The following RAPGEF1 variants were observed in gnomAD, a reference collection of about 807,000 sequenced individuals.
The protein encoded by RAPGEF1 is CRK SH3-binding GNRP.
RAPGEF1 carries 33 observed loss-of-function variants against 143.3 expected under a neutral mutation model. The ratio of observed to expected loss-of-function variants is 0.23; its 90% confidence interval spans 0.17 to 0.31. The LOEUF (loss-of-function observed/expected upper bound fraction) is 0.31. Ranked by LOEUF, RAPGEF1 falls within the 10% of genes least tolerant of loss-of-function variation. RAPGEF1 has a pLI of 1.00. For synonymous variants in RAPGEF1, 629 were observed against 676.5 expected (o/e 0.93, Z 1.09); for missense variants, 1,199 against 1,645.4 (o/e 0.73, Z 4.69).
chr9:131,666,985 G>A (rs1564659645), intron 1 of RAPGEF1, among the ~76,000 whole-genome samples: 1 of 151,996 alleles, frequency 6.6e-6, no homozygotes, highest in South Asian at 2.1e-4. Flanking sequence ...CTTCCTGCTC[G>A]CCTTCAAAGC....
rs769948362 is a variant in RAPGEF1 at position 131,675,224 on chromosome 9, C to A, written c.62-24275G>T. 2.6e-5 allele frequency among the ~76,000 whole-genome samples: 4 copies of A among 152,062 alleles called. No individual in the cohort carries two copies. Among genetic ancestry groups the A allele is most frequent in the Non-Finnish European group, 4.4e-5 (3 of 68,018 alleles). ...TTTCTCGTGGGGATGAGGCACGGAC[C>A]GAGGGGAAAATGCTCCCAGCAGAGG... On this transcript the variant is annotated intron_variant, in intron 1 of 26. Transcript: ENST00000683357. This position sits in a 1 kb window ranked among gnomAD's most constrained non-coding sequence, Gnocchi z 4.6.
In RAPGEF1 at chr9:131,605,083, G is replaced by A; in HGVS notation, c.2167C>T (p.Pro723Ser). Residue 723 changes from proline to serine, a missense_variant, in exon 13 of 27, where the codon CCT becomes TCT. Coordinates refer to ENST00000683357, the MANE Select transcript of RAPGEF1 (RefSeq NM_001377935.1). ...TCAGAGCTCTGAGACTGGTGGGCAG[G>A]TGGGAAATGTGGAGAGGAAGAGGAG... ...PTSSSSPHFP[P>S]AHQSQSSDLA... 2 of 1,365,456 alleles carry A rather than the reference G, an allele frequency of 1.5e-6. No homozygotes were observed. The allele number at this position is 1,365,456 out of a possible 1,614,324, so 84.6% of individuals were successfully genotyped here.
At chr9:131,703,384 T>C (rs542708137) in intron 1 of RAPGEF1, among the ~76,000 whole-genome samples, 54 of 152,340 alleles carry the variant, frequency 3.5e-4, no homozygotes, top group African/African-American at 1.3e-3. Context: ...TCTTTAATAA[T>C]GTAACATCAT....
At position 131,737,727 on chromosome 9, in the gene RAPGEF1, G is replaced by C. The variant is rs190000783; in HGVS notation, c.61+2043C>G. The stretch of plus-strand genomic sequence containing the variant: ...CGCATGTAATCCCAACACTTTGGGA[G>C]GCCGAGGTGGGCGGATCACGAGGTC... On this transcript the variant is annotated intron_variant, in intron 1 of 26. Transcript: ENST00000683357. Among the ~76,000 whole-genome samples the C allele has an allele frequency of 3.3e-3, 501 of 152,250 alleles. 1 individual carries two copies. Among genetic ancestry groups the C allele is most frequent in the Non-Finnish European group, 5.2e-3 (352 of 68,016 alleles).
At chr9:131,712,531 C>T (rs1229636797) in intron 1 of RAPGEF1, among the ~76,000 whole-genome samples, 1 of 152,190 alleles carries the variant, frequency 6.6e-6, no homozygotes, top group Non-Finnish European at 1.5e-5. Context: ...GGAATTTCTT[C>T]CCTATCAGGA....
In RAPGEF1 at chr9:131,628,964, G is replaced by A. The variant is rs1467656691; in HGVS notation, c.893+138C>T. On this transcript the variant is annotated intron_variant, in intron 7 of 26. Transcript: ENST00000683357. The surrounding 1 kb of genome is among the most constrained non-coding windows in gnomAD (Gnocchi z 5.7). ...CAGGGTGGCCAGCGAGGGCCGGCGG[G>A]GTGGGGACAGCTCCAGAGTCAGCCT... is the stretch of plus-strand genomic sequence containing the variant. 1 of 1,199,646 alleles carries A rather than the reference G, an allele frequency of 8.3e-7. No homozygotes were observed. The highest frequency in any genetic ancestry group is 2.6e-5 in the East Asian group (1 of 39,074). 74.3% of individuals were successfully genotyped at this position (1,199,646 alleles called of 1,614,324 possible).
chr9:131,591,756 C>G (rs1485651111), intron 18 of RAPGEF1, among the ~76,000 whole-genome samples: 2 of 152,226 alleles, frequency 1.3e-5, no homozygotes, highest in Non-Finnish European at 2.9e-5. Context: ...TCTGCAGGAC[C>G]GGCACACTTA....
chr9:131,596,232 G>A lies in RAPGEF1; in HGVS notation c.2689+66C>T, dbSNP rs573737529. On this transcript the variant is annotated intron_variant, in intron 17 of 26. Transcript: ENST00000683357. ...GGCTGCCAGGAGGGGACAGGATAGCGGTGGGAGGCCGAGTGGCACCCGGGG... is the reference window on the plus strand; with the variant it reads ...GGCTGCCAGGAGGGGACAGGATAGCAGTGGGAGGCCGAGTGGCACCCGGGG... 2.2e-4 allele frequency: 326 copies of A among 1,456,380 alleles called. No individual in the cohort carries two copies. In the African/African-American group the frequency reaches 3.9e-3, roughly 17 times the overall value. The allele number at this position is 1,456,380 out of a possible 1,614,324, so 90.2% of individuals were successfully genotyped here.
intron 1 of RAPGEF1, among the ~76,000 whole-genome samples, chr9:131,674,090 G>C (rs989643383): frequency 6.6e-6 from 1 of 152,146 alleles, no homozygotes; most frequent in Non-Finnish European, 1.5e-5. Flanking sequence ...AAGCATTTTT[G>C]GTTCTAACTT....
At chr9:131,739,729 C>A in intron 1 of RAPGEF1, 41 bp downstream of exon 1, 1 of 1,088,534 alleles carries the variant, frequency 9.2e-7, no homozygotes, top group Non-Finnish European at 1.1e-6. Flanking sequence ...GCCCCAGGGC[C>A]GGGCCCGGCC....
chr9:131,697,037 A>C (rs1203339730), intron 1 of RAPGEF1, among the ~76,000 whole-genome samples: 1 of 152,258 alleles, frequency 6.6e-6, no homozygotes, highest in East Asian at 1.9e-4. Context: ...CCTGGATTAC[A>C]CTGATACATA....
At chr9:131,726,041 G>C (rs1836645309) in intron 1 of RAPGEF1, among the ~76,000 whole-genome samples, 1 of 152,060 alleles carries the variant, frequency 6.6e-6, no homozygotes, top group Non-Finnish European at 1.5e-5. Context: ...TTACAGGTGT[G>C]AGCCACTGCA....
At chr9:131,724,714 CAACT>C (rs1836525416) in intron 1 of RAPGEF1, among the ~76,000 whole-genome samples, 1 of 152,212 alleles carries the variant, frequency 6.6e-6, no homozygotes, top group South Asian at 2.1e-4. Flanking sequence ...AAGCCTACAG[CAACT>C]CTGATGGATG....
rs1830585242 is a variant in RAPGEF1 at position 131,667,242 on chromosome 9, G to A, written c.62-16293C>T. Among the ~76,000 whole-genome samples the A allele has an allele frequency of 6.6e-6, 1 of 152,022 alleles. No homozygotes were observed. The highest frequency in any genetic ancestry group is 2.1e-4 in the South Asian group (1 of 4,824). On this transcript the variant is annotated intron_variant, in intron 1 of 26. Transcript: ENST00000683357. This position sits in a 1 kb window ranked among gnomAD's most constrained non-coding sequence, Gnocchi z 4.6. ...TGACCTCCAGTGATCTGCCTGCCTC[G>A]GCCTCCCCAAAGTGCTGGGATTACA...
At chr9:131,681,829 T>C (rs1195538392) in intron 1 of RAPGEF1, among the ~76,000 whole-genome samples, 2 of 152,148 alleles carry the variant, frequency 1.3e-5, no homozygotes, top group East Asian at 1.9e-4. Context: ...ACCCTTCCTT[T>C]AGTGCTACAA....
At chr9:131,704,983 T>C (rs1834942364) in intron 1 of RAPGEF1, among the ~76,000 whole-genome samples, 1 of 152,188 alleles carries the variant, frequency 6.6e-6, no homozygotes, top group Non-Finnish European at 1.5e-5. Context: ...CATCAACACA[T>C]TTACTGTTTG....
chr9:131,670,932 A>G (rs1004075415), intron 1 of RAPGEF1, among the ~76,000 whole-genome samples: 1 of 152,208 alleles, frequency 6.6e-6, no homozygotes, highest in Non-Finnish European at 1.5e-5. Flanking sequence ...AACTCGCCAT[A>G]CTGATTAAAG....
chr9:131,599,888 C>T (rs1416283010), intron 15 of RAPGEF1, among the ~76,000 whole-genome samples: 3 of 152,088 alleles, frequency 2.0e-5, no homozygotes, highest in Non-Finnish European at 4.4e-5. Flanking sequence ...GAGGCCGAGG[C>T]GGGTGGATCA....
intron 22 of RAPGEF1, among the ~76,000 whole-genome samples, chr9:131,586,765 C>A (rs1362208890): frequency 4.3e-4 from 50 of 116,942 alleles, no homozygotes; most frequent in East Asian, 1.5e-3. Flanking sequence ...CTCCGTCTCA[C>A]ACACACACCT....
Sources: allele counts gnomAD v4.1 joint callset (sites outside exome capture counted in the v4.1 genomes callset), GRCh38; gene constraint gnomAD v4.1.1; non-coding constraint Gnocchi (gnomAD v3.1); transcripts MANE v1.5; gene names NCBI Gene and HGNC (gene_info 2026-07-23, HGNC 2026-07-21).